Variants in XYLB observed in about 807,000 individuals in gnomAD.
XYLB encodes the protein xylulokinase.
Under a neutral mutation model 78.7 loss-of-function variants are expected in XYLB, and 62 were observed. The ratio of observed to expected loss-of-function variants is 0.79; its 90% CI spans 0.64 to 0.97. The LOEUF is 0.97. Among genes scored for constraint, XYLB ranks in the 50% least tolerant of loss-of-function variants. XYLB has a pLI of 0.00. For synonymous variants in XYLB, 245 were observed against 247.4 expected (o/e 0.99, Z 0.09); for missense variants, 687 against 676.8 (o/e 1.02, Z -0.17).
chr3:38,346,833 A>G lies in XYLB; in HGVS notation c.-36A>G. ...GACTATCACGCCGCGTGGCGGACGG[A>G]CGGACTGACGGACGCGCAGCCTTAC... On this transcript the variant is annotated 5_prime_UTR_variant, in exon 1 of 19. Coordinates refer to ENST00000207870, the MANE Select transcript of XYLB (RefSeq NM_005108.4). The G allele has an allele frequency of 6.7e-7, 1 of 1,481,688 alleles. No individual in the cohort carries two copies. Among genetic ancestry groups the G allele is most frequent in the South Asian group, 1.3e-5 (1 of 77,306 alleles). The allele number at this position is 1,481,688 out of a possible 1,614,324, so 91.8% of individuals were successfully genotyped here. A position where few individuals can be genotyped will look rare whatever the true frequency, so the allele number is the denominator to read the frequency against.
chr3:38,350,634 C>A (rs765479773), intron 2 of XYLB, among the ~76,000 whole-genome samples: 12 of 151,956 alleles, frequency 7.9e-5, no homozygotes, highest in Non-Finnish European at 1.0e-4. Context: ...TCTTTTTTCC[C>A]TAGTTTCCTC....
exon 18 of XYLB, among the ~76,000 whole-genome samples, chr3:38,420,213 G>A (rs1463377843): frequency 1.3e-5 from 2 of 152,184 alleles, no homozygotes; most frequent in African/African-American, 4.8e-5. Context: ...GATATGTAGG[G>A]TTTCTATCCA....
chr3:38,372,432 C>T (rs181042535), intron 9 of XYLB: 60 of 985,294 alleles, frequency 6.1e-5, no homozygotes, highest in East Asian at 4.5e-4. Context: ...ACCTCATGCT[C>T]GTGGTTTCCA....
At chr3:38,383,426 A>C (rs185317137) in intron 15 of XYLB, among the ~76,000 whole-genome samples, 28 of 152,284 alleles carry the variant, frequency 1.8e-4, no homozygotes, top group African/African-American at 6.3e-4. Context: ...TTTATATTTC[A>C]GTGTGTTTCA....
At chr3:38,356,454 C>T (rs1705661259) in intron 2 of XYLB, 1 of 152,180 alleles carries the variant, frequency 6.6e-6, no homozygotes, top group Non-Finnish European at 1.5e-5. Flanking sequence ...GTATAGTCCC[C>T]CTCCTGCCAG....
intron 11 of XYLB, 133 bp downstream of exon 11, chr3:38,374,635 A>G: frequency 1.8e-6 from 2 of 1,089,648 alleles, no homozygotes; most frequent in Non-Finnish European, 2.7e-6. Context: ...GATCTCTGCT[A>G]CTTATCAGAG....
At chr3:38,411,784 C>G (rs1708601242) in intron 18 of XYLB, among the ~76,000 whole-genome samples, 1 of 151,990 alleles carries the variant, frequency 6.6e-6, no homozygotes, top group African/African-American at 2.4e-5. Flanking sequence ...GTAAAAATGG[C>G]CTTTGCTTGG....
chr3:38,347,056 G>A, intron 1 of XYLB, 131 bp downstream of exon 1: 1 of 945,562 alleles, frequency 1.1e-6, no homozygotes, highest in Middle Eastern at 3.7e-4. Context: ...GGCTTCCCGG[G>A]GCCCCCGCGC....
rs1397443971 is a variant in XYLB at position 38,360,522 on chromosome 3, G to A, written c.210+114G>A. On this transcript the variant is annotated intron_variant, in intron 3 of 18. Transcript: ENST00000207870. ...CCAATGAGAGCATCTGTTGTCACCAGGTCCTCATGGGAAGGTGGAGTTGGC... is the reference window on the plus strand; with the variant it reads ...CCAATGAGAGCATCTGTTGTCACCAAGTCCTCATGGGAAGGTGGAGTTGGC... 1.3e-5 allele frequency: 11 copies of A among 858,976 alleles called. No homozygotes were observed. The African/African-American group carries it at 1.5e-4, about 12-fold the overall frequency. The allele number at this position is 858,976 out of a possible 1,614,324, so 53.2% of individuals were successfully genotyped here.
chr3:38,422,552 G>T (rs527852191), downstream of XYLB, among the ~76,000 whole-genome samples: 109 of 152,208 alleles, frequency 7.2e-4, no homozygotes, highest in African/African-American at 2.4e-3. Flanking sequence ...AATTCAATCC[G>T]CTCAATTTAA....
chr3:38,381,789 T>C (rs991083950), intron 15 of XYLB, among the ~76,000 whole-genome samples: 2 of 152,228 alleles, frequency 1.3e-5, no homozygotes. Context: ...CCCTGTCTCC[T>C]GATAAGATGT....
intron 15 of XYLB, among the ~76,000 whole-genome samples, chr3:38,394,229 A>G (rs532356686): frequency 4.6e-5 from 7 of 152,314 alleles, no homozygotes; most frequent in African/African-American, 1.7e-4. Context: ...TTTTCTTAAT[A>G]GAGACTTTTG....
chr3:38,416,001 C>T (rs188440338), downstream of XYLB, among the ~76,000 whole-genome samples: 5 of 152,174 alleles, frequency 3.3e-5, no homozygotes, highest in East Asian at 1.9e-4. Flanking sequence ...CATCAGATCT[C>T]GTGAGAACTC....
At chr3:38,404,053 G>A (rs1708219728) in intron 18 of XYLB, among the ~76,000 whole-genome samples, 1 of 152,182 alleles carries the variant, frequency 6.6e-6, no homozygotes, top group Admixed American at 6.5e-5. Context: ...AGCACTGCTT[G>A]TGCTCAAGGG....
chr3:38,384,822 G>C (rs1707310834), intron 15 of XYLB, among the ~76,000 whole-genome samples: 1 of 152,146 alleles, frequency 6.6e-6, no homozygotes, highest in Non-Finnish European at 1.5e-5. Context: ...ACACGTGTGT[G>C]TGTGTATATA....
intron 9 of XYLB, among the ~76,000 whole-genome samples, chr3:38,371,310 G>T (rs1324399866): frequency 6.7e-6 from 1 of 148,990 alleles, no homozygotes; most frequent in South Asian, 2.1e-4. Flanking sequence ...TCTCGCTTTT[G>T]TCACCCAGGC....
the XYLB span, among the ~76,000 whole-genome samples, chr3:38,441,664 C>T: frequency 1.3e-5 from 2 of 152,160 alleles, no homozygotes; most frequent in Non-Finnish European, 2.9e-5. Context: ...CCTGTGGCAC[C>T]TAGTATGCCA....
At position 38,373,286 on chromosome 3, in the gene XYLB, TAC is replaced by T. The variant is rs1218231273; in HGVS notation, c.847+553_847+554del. On this transcript the variant is annotated intron_variant, in intron 10 of 18. Transcript: ENST00000207870. ...ATCTCTGAAGGAAGGCCAGGTGGGC[TAC>T]ACTGAATAACAACCTAACTACTACC... 6.6e-5 allele frequency among the ~76,000 whole-genome samples: 10 copies of T among 152,212 alleles called. No homozygotes were observed. In the East Asian group the frequency reaches 1.8e-3, roughly 27 times the overall value.
chr3:38,379,471 G>A (rs1272909229), intron 15 of XYLB, 129 bp downstream of exon 15: 4 of 847,978 alleles, frequency 4.7e-6, no homozygotes, highest in African/African-American at 1.7e-5. Flanking sequence ...GGAGGGAGGT[G>A]GAGCCTGACC....
Sources: allele counts gnomAD v4.1 joint callset (sites outside exome capture counted in the v4.1 genomes callset), GRCh38; gene constraint gnomAD v4.1.1; transcripts MANE v1.5; gene names NCBI Gene and HGNC (gene_info 2026-07-23, HGNC 2026-07-21).